Variants in FRAS1 observed in about 807,000 individuals in gnomAD.
The protein encoded by FRAS1 is extracellular matrix organizing protein FRAS1.
FRAS1 carries 290 observed loss-of-function variants against 435.2 expected under a neutral mutation model. The ratio of observed to expected loss-of-function variants is 0.67; its 90% CI spans 0.61 to 0.73. The LOEUF (loss-of-function observed/expected upper bound fraction) is 0.73, where lower values mean the gene tolerates loss of function less well. FRAS1 is among the 30% of genes least tolerant of loss of function. The pLI is 0.00. For synonymous variants in FRAS1, 1,800 were observed against 1,851.0 expected (o/e 0.97, Z 0.71); for missense variants, 4,860 against 5,001.5 (o/e 0.97, Z 0.85).
At chr4:78,200,736 A>G (rs762322364) in intron 2 of FRAS1, among the ~76,000 whole-genome samples, 5 of 151,804 alleles carry the variant, frequency 3.3e-5, no homozygotes, top group Non-Finnish European at 7.4e-5. Flanking sequence ...GTAAATTGTC[A>G]TTTATAATTA....
intron 18 of FRAS1, chr4:78,319,266 CTA>C: frequency 1.9e-6 from 1 of 531,812 alleles, no homozygotes; most frequent in Non-Finnish European, 3.6e-6. Context: ...TCAGGGACCA[CTA>C]TGTGTAGTTA....
chr4:78,286,153 G>A (rs1727586199), intron 13 of FRAS1: 1 of 600,214 alleles, frequency 1.7e-6, no homozygotes, highest in African/African-American at 1.8e-5. Context: ...CATCTGTAAA[G>A]TTGGGATTAA....
chr4:78,114,847 C>T (rs1310929504), intron 2 of FRAS1, among the ~76,000 whole-genome samples: 3 of 152,208 alleles, frequency 2.0e-5, no homozygotes, highest in Non-Finnish European at 4.4e-5. Flanking sequence ...ATTGCCCTGG[C>T]CAGAACTTCC....
At chr4:78,475,700 C>CT (rs1430147169) in intron 54 of FRAS1, 94 bp downstream of exon 54, 13 of 1,236,694 alleles carry the variant, frequency 1.1e-5, no homozygotes, top group Non-Finnish European at 1.4e-5. Context: ...CCCAACTTTG[C>CT]TTTTCACTGG....
intron 35 of FRAS1, among the ~76,000 whole-genome samples, chr4:78,425,923 G>T (rs1458864450): frequency 6.6e-6 from 1 of 152,096 alleles, no homozygotes; most frequent in Non-Finnish European, 1.5e-5. Flanking sequence ...GATTCCTTGA[G>T]CCCAGGAGTT....
Position 78,499,713 on chromosome 4 carries a change from T to G in FRAS1, c.9116-8T>G, listed in dbSNP as rs747598653. On this transcript the variant is annotated splice_region_variant and splice_polypyrimidine_tract_variant and intron_variant, in intron 60 of 73. Transcript: ENST00000512123. ...CTGGCTCTTGTTTTCCTAACCATAT[T>G]TCCTTAGCCCCCACCATTGAGTTTG... 2 of 1,612,562 alleles carry G rather than the reference T, an allele frequency of 1.2e-6. No individual in the cohort carries two copies. Among genetic ancestry groups the G allele is most frequent in the South Asian group, 2.2e-5 (2 of 90,884 alleles).
At chr4:78,307,560 C>A (rs533182343) in intron 14 of FRAS1, among the ~76,000 whole-genome samples, 2 of 152,328 alleles carry the variant, frequency 1.3e-5, no homozygotes, top group East Asian at 3.9e-4. Flanking sequence ...TCTCCTGGTG[C>A]GCCGTTTTTT....
intron 2 of FRAS1, among the ~76,000 whole-genome samples, chr4:78,191,963 C>A (rs1386125365): frequency 6.6e-6 from 1 of 152,072 alleles, no homozygotes; most frequent in African/African-American, 2.4e-5. Context: ...TGGGTTGGTT[C>A]CATGTCTTTG....
intron 3 of FRAS1, among the ~76,000 whole-genome samples, chr4:78,241,097 G>C (rs1419424335): frequency 6.6e-6 from 1 of 152,098 alleles, no homozygotes; most frequent in Non-Finnish European, 1.5e-5. Context: ...ATGGAAAGTG[G>C]GGAAAGGAAG....
intron 2 of FRAS1, among the ~76,000 whole-genome samples, chr4:78,090,439 T>G (rs1444236670): frequency 1.3e-5 from 2 of 152,184 alleles, no homozygotes; most frequent in Non-Finnish European, 2.9e-5. Flanking sequence ...AGCTATTTTT[T>G]CTATTGATTT....
chr4:78,430,170 T>C lies in FRAS1; in HGVS notation c.4844-122T>C, dbSNP rs1351115433. ...GTGCCTGATTGGAATGAAGCAGTGCTTTCTGATAACAATCAGATTACCCAC... is the reference window on the plus strand; with the variant it reads ...GTGCCTGATTGGAATGAAGCAGTGCCTTCTGATAACAATCAGATTACCCAC... On this transcript the variant is annotated intron_variant, in intron 36 of 73. Transcript: ENST00000512123. 33 of 1,158,402 alleles carry C rather than the reference T, an allele frequency of 2.8e-5. No individual in the cohort carries two copies. In the Admixed American group the frequency reaches 6.4e-4, roughly 22 times the overall value. 71.8% of individuals were successfully genotyped at this position (1,158,402 alleles called of 1,614,324 possible). A position where few individuals can be genotyped will look rare whatever the true frequency, so the allele number is the denominator to read the frequency against.
intron 50 of FRAS1, among the ~76,000 whole-genome samples, chr4:78,469,293 G>A (rs751122321): frequency 6.6e-6 from 1 of 152,124 alleles, no homozygotes; most frequent in African/African-American, 2.4e-5. Context: ...ATCCACCCAG[G>A]AACAGGGAGA....
At chr4:78,262,693 TTTA>T (rs1375384053) in intron 6 of FRAS1, among the ~76,000 whole-genome samples, 2 of 152,172 alleles carry the variant, frequency 1.3e-5, no homozygotes, top group African/African-American at 4.8e-5. Flanking sequence ...TATAAACTTC[TTTA>T]TCATAAGTAT....
rs757748037 is a variant in FRAS1, at chr4:78,464,029, A to G, written c.6772A>G (p.Ile2258Val). Residue 2258 changes from isoleucine to valine, a missense_variant, in exon 48 of 74, where the codon ATT becomes GTT. By Grantham distance (29) the Ile-to-Val change is conservative. Transcript: ENST00000512123. ...TTTTCCCCTTTTTCTAGGTATCCAG[A>G]TTAGTTCCTTTACTCAAGCTGATCT... ...LEHAASPGIQ[I>V]SSFTQADLTS... 4.3e-6 allele frequency: 7 copies of G among 1,612,988 alleles called. No individual in the cohort carries two copies. Among genetic ancestry groups the G allele is most frequent in the South Asian group, 3.3e-5 (3 of 90,998 alleles).
At chr4:78,175,551 AT>A (rs1560564248) in intron 2 of FRAS1, among the ~76,000 whole-genome samples, 3 of 152,170 alleles carry the variant, frequency 2.0e-5, no homozygotes, top group Admixed American at 2.0e-4. Context: ...AGGGCAGGGC[AT>A]TGTATAGGGA....
chr4:78,120,487 C>T (rs1718946210), intron 2 of FRAS1, among the ~76,000 whole-genome samples: 3 of 152,164 alleles, frequency 2.0e-5, no homozygotes, highest in African/African-American at 4.8e-5. Context: ...ACAGGCATGA[C>T]AGTCCAGGAA....
At chr4:78,337,231 T>A (rs775919558) in intron 19 of FRAS1, among the ~76,000 whole-genome samples, 2 of 152,184 alleles carry the variant, frequency 1.3e-5, no homozygotes, top group Non-Finnish European at 2.9e-5. Flanking sequence ...TAGTTTGCTG[T>A]GTGTGGATTC....
intron 2 of FRAS1, among the ~76,000 whole-genome samples, chr4:78,203,587 A>T (rs1338563642): frequency 1.2e-4 from 18 of 151,544 alleles, no homozygotes; most frequent in Admixed American, 1.2e-3. Flanking sequence ...TTATTTTTAG[A>T]TGGAGTTTCG....
chr4:78,337,705 G>A lies in FRAS1; in HGVS notation c.2310G>A (p.Gly770=). The change falls in exon 20 of 74, where the codon GGG becomes GGA. Residue 770 remains glycine (G), a synonymous_variant. Transcript: ENST00000512123. ...ACCCAACCTGCAGGCAGTGTCATGG[G>A]CCGTTGGAGTCTGACTGCATCTCCT... The part of the protein sequence containing the change: ...ECHPTCRQCH[G]PLESDCISCY... 3 of 1,613,936 alleles carry A rather than the reference G, an allele frequency of 1.9e-6. No homozygotes were observed. The highest frequency in any genetic ancestry group is 2.5e-6 in the Non-Finnish European group (3 of 1,179,828).
Sources: gnomAD v4.1 joint callset for allele counts (sites outside exome capture counted in the v4.1 genomes callset) on GRCh38, gnomAD v4.1.1 for gene constraint, MANE v1.5 for transcripts, NCBI Gene and HGNC (gene_info 2026-07-23, HGNC 2026-07-21) for gene names.